Variants in TASP1 observed in about 807,000 individuals in gnomAD.
TASP1 encodes threonine aspartase 1.
Under a neutral mutation model 56.6 loss-of-function variants are expected in TASP1, and 16 were observed. The observed-to-expected ratio is 0.28, with a 90% CI of 0.19 to 0.43. The LOEUF (loss-of-function observed/expected upper bound fraction) is 0.43. Among genes scored for constraint, TASP1 ranks in the 20% least tolerant of loss-of-function variants. TASP1 has a pLI of 1.00. For synonymous variants in TASP1, 179 were observed against 184.2 expected, an observed-to-expected ratio of 0.97 and a Z score of 0.23; for missense variants, 393 against 511.6, an observed-to-expected ratio of 0.77 and a Z score of 2.24.
chr20:13,238,888 G>C, the TASP1 span: 1 of 152,206 alleles, frequency 6.6e-6, no homozygotes, highest in Non-Finnish European at 1.5e-5. Context: ...CTCCTGAAAA[G>C]GTTCAGCTCT....
At chr20:13,150,752 A>G in the TASP1 span, among the ~76,000 whole-genome samples, 2 of 152,124 alleles carry the variant, frequency 1.3e-5, no homozygotes, top group Non-Finnish European at 2.9e-5. Flanking sequence ...ATCTTGTCCC[A>G]GCTTCAACCA....
chr20:13,265,876 C>T, the TASP1 span, among the ~76,000 whole-genome samples: 1 of 152,116 alleles, frequency 6.6e-6, no homozygotes, highest in Non-Finnish European at 1.5e-5. Context: ...CCAGGACCAG[C>T]GTGATAGCTC....
chr20:13,146,737 C>T, the TASP1 span, among the ~76,000 whole-genome samples: 3 of 152,174 alleles, frequency 2.0e-5, no homozygotes, highest in African/African-American at 7.2e-5. Context: ...TCTATTGCCA[C>T]CTCAGCAGCT....
At chr20:13,138,773 T>C in the TASP1 span, among the ~76,000 whole-genome samples, 3 of 152,330 alleles carry the variant, frequency 2.0e-5, no homozygotes, top group Middle Eastern at 3.4e-3. Context: ...CATGGTTTTA[T>C]ATAACATACA....
intron 7 of TASP1, among the ~76,000 whole-genome samples, chr20:13,568,652 T>C (rs1337268019): frequency 6.6e-6 from 1 of 152,002 alleles, no homozygotes; most frequent in Admixed American, 6.6e-5. Context: ...GGGTATAAGA[T>C]TTTTTTCAAA....
chr20:13,402,349 T>C (rs2041769332), intron 13 of TASP1, among the ~76,000 whole-genome samples: 1 of 152,210 alleles, frequency 6.6e-6, no homozygotes, highest in African/African-American at 2.4e-5. Context: ...TGCAGTCTTT[T>C]CCTGTTTGTG....
chr20:13,221,014 C>T, the TASP1 span, among the ~76,000 whole-genome samples: 4 of 152,130 alleles, frequency 2.6e-5, no homozygotes, highest in South Asian at 8.3e-4. Flanking sequence ...GCCCCGGCTA[C>T]CGCCAAACCG....
chr20:13,518,937 C>T (rs2044634319), intron 10 of TASP1, among the ~76,000 whole-genome samples: 1 of 152,040 alleles, frequency 6.6e-6, no homozygotes, highest in Non-Finnish European at 1.5e-5. Flanking sequence ...AGATGCCCAT[C>T]AGTGGTGAAT....
the TASP1 span, among the ~76,000 whole-genome samples, chr20:13,193,668 T>C: frequency 5.3e-5 from 8 of 152,320 alleles, no homozygotes; most frequent in African/African-American, 1.7e-4. Flanking sequence ...CAGTTTCTCG[T>C]ATGGGTTCAG....
At chr20:13,432,510 T>G (rs1021858447) in intron 12 of TASP1, among the ~76,000 whole-genome samples, 9 of 152,230 alleles carry the variant, frequency 5.9e-5, no homozygotes, top group Non-Finnish European at 8.8e-5. Flanking sequence ...ACCAAATACT[T>G]CACATTCATA....
intron 1 of TASP1, among the ~76,000 whole-genome samples, 167 bp downstream of exon 1, chr20:13,638,727 A>T (rs1270640315): frequency 1.3e-5 from 2 of 152,118 alleles, no homozygotes; most frequent in African/African-American, 2.4e-5. Context: ...GGAACTAGGG[A>T]CATCCTGGCC....
At chr20:13,629,088 G>A (rs193294680) in intron 2 of TASP1, among the ~76,000 whole-genome samples, 23 of 152,258 alleles carry the variant, frequency 1.5e-4, no homozygotes, top group African/African-American at 4.1e-4. Flanking sequence ...AGGGTGGGCC[G>A]GGTGTGGTGG....
chr20:13,416,889 C>T (rs1452693225), intron 13 of TASP1, among the ~76,000 whole-genome samples: 2 of 152,196 alleles, frequency 1.3e-5, no homozygotes, highest in African/African-American at 2.4e-5. Flanking sequence ...CACTGAGCGA[C>T]GAGTGCCACA....
chr20:13,272,287 C>A, the TASP1 span, among the ~76,000 whole-genome samples: 4 of 152,194 alleles, frequency 2.6e-5, no homozygotes, highest in Admixed American at 2.6e-4. Flanking sequence ...TTTCGTTGAC[C>A]TGAGTTGTTT....
Position 13,528,515 on chromosome 20 carries a change from G to C in TASP1, c.796-4C>G. On this transcript the variant is annotated splice_region_variant and splice_polypyrimidine_tract_variant and intron_variant, in intron 9 of 13. Transcript: ENST00000337743. ...AGCCACATCCATAAAGAGCAGCCTG[G>C]GGAAAAAAGAAAATAGATATAATAT... 1 of 1,603,502 alleles carries C rather than the reference G, an allele frequency of 6.2e-7. No individual in the cohort carries two copies. Among genetic ancestry groups the C allele is most frequent in the Non-Finnish European group, 8.5e-7 (1 of 1,175,028 alleles).
the TASP1 span, among the ~76,000 whole-genome samples, chr20:13,269,108 G>C: frequency 1.3e-5 from 2 of 152,128 alleles, no homozygotes; most frequent in African/African-American, 4.8e-5. Context: ...CAAAGAGGGC[G>C]TGTGGAGACA....
chr20:13,197,074 TCCA>T, the TASP1 span, among the ~76,000 whole-genome samples: 1 of 152,192 alleles, frequency 6.6e-6, no homozygotes, highest in Non-Finnish European at 1.5e-5. Context: ...CTATAGTAAC[TCCA>T]CCTCATTTGA....
intron 2 of TASP1, among the ~76,000 whole-genome samples, chr20:13,626,633 C>T: frequency 6.6e-6 from 1 of 152,132 alleles, no homozygotes; most frequent in East Asian, 1.9e-4. Flanking sequence ...CCAGAATCCA[C>T]AATACACCCA....
chr20:13,450,348 C>A (rs76591214), intron 11 of TASP1, among the ~76,000 whole-genome samples: 2,313 of 152,050 alleles, frequency 0.015, 64 homozygotes, highest in African/African-American at 0.05. Flanking sequence ...AAGTTTGCTG[C>A]ATTAATTGAC....
Sources: gnomAD v4.1 joint callset for allele counts (sites outside exome capture counted in the v4.1 genomes callset) on GRCh38, gnomAD v4.1.1 for gene constraint, MANE v1.5 for transcripts, NCBI Gene and HGNC (gene_info 2026-07-23, HGNC 2026-07-21) for gene names.